The following TUBA3C variants were observed in gnomAD, a reference collection of about 807,000 sequenced individuals.
TUBA3C encodes tubulin alpha 3c.
Under a neutral mutation model 33.4 loss-of-function variants are expected in TUBA3C, and 23 were observed. That is an observed-to-expected ratio of 0.69 (90% confidence interval 0.50 to 0.98). TUBA3C has a LOEUF of 0.98. Ranked by LOEUF, TUBA3C falls within the 50% of genes least tolerant of loss-of-function variation. TUBA3C has a pLI of 0.00. For missense variants in TUBA3C, 402 were observed against 616.0 expected, an observed-to-expected ratio of 0.65 and a Z score of 3.68; for synonymous variants, 269 against 250.4, an observed-to-expected ratio of 1.07 and a Z score of -0.70.
intron 4 of TUBA3C, among the ~76,000 whole-genome samples, chr13:19,174,922 A>T (rs896916365): frequency 6.6e-6 from 1 of 151,478 alleles, no homozygotes; most frequent in Non-Finnish European, 1.5e-5. Flanking sequence ...AGATCCTACC[A>T]CTCCTTGGGT....
At chr13:19,179,075 C>A (rs1489560318) in intron 2 of TUBA3C, among the ~76,000 whole-genome samples, 3 of 152,180 alleles carry the variant, frequency 2.0e-5, no homozygotes, top group Non-Finnish European at 4.4e-5. Context: ...CTGAACAGGG[C>A]TGAGGCAGCC....
chr13:19,178,418 G>A (rs373049483), intron 2 of TUBA3C, 24 bp from the exon 3 acceptor site: 15 of 1,613,286 alleles, frequency 9.3e-6, no homozygotes, highest in Admixed American at 1.7e-5. Flanking sequence ...CGTATGTACT[G>A]TGAATCTTTA....
intron 3 of TUBA3C, among the ~76,000 whole-genome samples, chr13:19,178,037 G>C (rs941717077): frequency 6.6e-6 from 1 of 152,100 alleles, no homozygotes; most frequent in East Asian, 1.9e-4. Context: ...AGTAAAGACA[G>C]GGTTTCACCA....
intron 2 of TUBA3C, among the ~76,000 whole-genome samples, 199 bp downstream of exon 2, chr13:19,179,142 G>A (rs1400332574): frequency 2.6e-5 from 4 of 152,154 alleles, no homozygotes; most frequent in African/African-American, 9.6e-5. Flanking sequence ...TTTCCCTGTA[G>A]GCCAGGTTTT....
At position 19,173,968 on chromosome 13, in the gene TUBA3C, C is replaced by G; in HGVS notation, c.1248G>C (p.Gly416=). Residue 416 remains glycine (G), a synonymous_variant, in exon 5 of 5, where the codon GGG becomes GGC. Coordinates refer to ENST00000400113, the MANE Select transcript of TUBA3C (RefSeq NM_006001.3). The part of the protein sequence containing the change: ...HWYVGEGMEE[G]EFSEAREDLA... Reference sequence around the variant, plus strand: ...GGTCCTCGCGGGCCTCAGAGAACTCCCCCTCCTCCATGCCTTCTCCCACGT... The same window carrying G: ...GGTCCTCGCGGGCCTCAGAGAACTCGCCCTCCTCCATGCCTTCTCCCACGT... 1 of 1,610,600 alleles carries G rather than the reference C, an allele frequency of 6.2e-7. No homozygotes were observed. Among genetic ancestry groups the G allele is most frequent in the Non-Finnish European group, 8.5e-7 (1 of 1,178,772 alleles).
Position 19,178,448 on chromosome 13 carries a change from TG to T in TUBA3C, c.227-55del. ...TCTTTAAGGCCTATACTCACCAAGA[TG>T]GACACATTCCAGGACTGTTCACTTC... On this transcript the variant is annotated intron_variant, in intron 2 of 4. Coordinates refer to ENST00000400113, the MANE Select transcript of TUBA3C (RefSeq NM_006001.3). 3 of 1,603,660 alleles carry T rather than the reference TG, an allele frequency of 1.9e-6. No individual in the cohort carries two copies. The South Asian group carries it at 3.3e-5, about 18-fold the overall frequency.
intron 4 of TUBA3C, among the ~76,000 whole-genome samples, chr13:19,175,298 T>A (rs1869140321): frequency 6.6e-6 from 1 of 152,180 alleles, no homozygotes; most frequent in Non-Finnish European, 1.5e-5. Flanking sequence ...AACGTCTTTA[T>A]TTCTTTTCCG....
Position 19,177,666 on chromosome 13 carries a change from C to A in TUBA3C, c.376-59G>T, listed in dbSNP as rs1869249244. On this transcript the variant is annotated intron_variant, in intron 3 of 4. Transcript: ENST00000400113. The surrounding 1 kb of genome is among the most constrained non-coding windows in gnomAD (Gnocchi z 5.0). ...GTGGAAGCCACACCACCAACCTCCA[C>A]CAAGCCAGGGCCACTTCTCTGCCTC... The A allele has an allele frequency of 6.6e-7, 1 of 1,521,818 alleles. No homozygotes were observed. The highest frequency in any genetic ancestry group is 8.8e-7 in the Non-Finnish European group (1 of 1,137,008). 94.3% of individuals were successfully genotyped at this position (1,521,818 alleles called of 1,614,324 possible). A position where few individuals can be genotyped will look rare whatever the true frequency, so the allele number is the denominator to read the frequency against.
chr13:19,178,311 C>G lies in TUBA3C; in HGVS notation c.310G>C (p.Ala104Pro). 6.2e-7 allele frequency: 1 copy of G among 1,614,160 alleles called. No individual in the cohort carries two copies. The change falls in exon 3 of 5, where the codon GCC becomes CCC. Residue 104 changes from alanine to proline, a missense_variant. By Grantham distance (27) the Ala-to-Pro change is conservative (BLOSUM62 -1). Transcript: ENST00000400113. Reference sequence around the variant, plus strand: ...TTGCCGATGGTGTAATGGCCTCTGGCGTAATTATTGGCCGCATCTTCCTTC... The same window carrying G: ...TTGCCGATGGTGTAATGGCCTCTGGGGTAATTATTGGCCGCATCTTCCTTC... Reference protein sequence around the residue: ...TGKEDAANNYARGHYTIGKEI... With the variant: ...TGKEDAANNYPRGHYTIGKEI...
chr13:19,179,547 A>G lies in TUBA3C; in HGVS notation c.20T>C (p.Ile7Thr). MRECIS[I>T]HVGQAGVQIG... is the part of the protein sequence containing the mutation. ...CTGGACTCCTGCCTGCCCCACGTGG[A>G]TAGAGATACACTCACGCTGTGAACC... The change falls in exon 2 of 5, where the codon ATC becomes ACC. Residue 7 changes from isoleucine to threonine, a missense_variant. Physicochemically the swap from Ile to Thr is moderately conservative, Grantham distance 89 (BLOSUM62 -1). Transcript: ENST00000400113. The G allele has an allele frequency of 6.2e-7, 1 of 1,614,220 alleles. No individual in the cohort carries two copies. The highest frequency in any genetic ancestry group is 8.5e-7 in the Non-Finnish European group (1 of 1,180,022).
intron 4 of TUBA3C, among the ~76,000 whole-genome samples, chr13:19,176,050 G>C (rs958945461): frequency 9.9e-5 from 15 of 151,618 alleles, no homozygotes; most frequent in Admixed American, 2.6e-4. Context: ...TCCAATTTTT[G>C]TATTTTTAGT....
At chr13:19,175,541 T>G (rs36216412) in intron 4 of TUBA3C, among the ~76,000 whole-genome samples, 6,318 of 152,280 alleles carry the variant, frequency 0.041, 159 homozygotes, top group Middle Eastern at 0.068. Context: ...CAGTTCTGAC[T>G]GGGATTTCCT....
intron 1 of TUBA3C, 132 bp downstream of exon 1, chr13:19,181,613 C>A (rs937226164): frequency 1.2e-5 from 16 of 1,307,778 alleles, no homozygotes; most frequent in Non-Finnish European, 1.7e-5. Context: ...CGCCCTGGGC[C>A]CCGCATCCTT....
chr13:19,181,489 C>T (rs757693294), intron 1 of TUBA3C, among the ~76,000 whole-genome samples: 6 of 152,148 alleles, frequency 3.9e-5, no homozygotes, highest in Non-Finnish European at 5.9e-5. Flanking sequence ...GGACAGGACA[C>T]GGTCAATGCT....
chr13:19,181,565 C>T (rs1869418573), intron 1 of TUBA3C, among the ~76,000 whole-genome samples, 180 bp downstream of exon 1: 1 of 152,188 alleles, frequency 6.6e-6, no homozygotes, highest in African/African-American at 2.4e-5. Context: ...TGCCCTGGAG[C>T]CCGCAGACCC....
chr13:19,181,715 G>A (rs767688353), intron 1 of TUBA3C, 30 bp downstream of exon 1: 28 of 1,601,502 alleles, frequency 1.7e-5, no homozygotes, highest in South Asian at 1.6e-4. Context: ...CAGCCTGGGC[G>A]TCTGCGGGGT....
At chr13:19,174,591 G>C (rs1248466328) in intron 4 of TUBA3C, among the ~76,000 whole-genome samples, 1 of 152,002 alleles carries the variant, frequency 6.6e-6, no homozygotes, top group Non-Finnish European at 1.5e-5. Context: ...TTTAACTTGG[G>C]CATTACTATA....
Position 19,174,003 on chromosome 13 carries a change from C to A in TUBA3C, c.1213G>T (p.Val405Leu). The A allele has an allele frequency of 6.2e-7, 1 of 1,612,718 alleles. No homozygotes were observed. Among genetic ancestry groups the A allele is most frequent in the Non-Finnish European group, 8.5e-7 (1 of 1,179,768 alleles). Residue 405 changes from valine (V) to leucine (L), a missense_variant, in exon 5 of 5, where the codon GTG becomes TTG. Transcript: ENST00000400113. ...ATGCCTTCTCCCACGTACCAGTGCA[C>A]AAAGGCCCGCTTGGCATACATGAGA... ...FDLMYAKRAFVHWYVGEGMEE... is the reference protein window; with the variant it reads ...FDLMYAKRAFLHWYVGEGMEE...
chr13:19,181,286 G>A (rs1869406620), intron 1 of TUBA3C, among the ~76,000 whole-genome samples: 1 of 152,040 alleles, frequency 6.6e-6, no homozygotes, highest in Admixed American at 6.5e-5. Flanking sequence ...CCTGACCTCA[G>A]GGGATTCCCC....
Sources: gnomAD v4.1 joint callset for allele counts (sites outside exome capture counted in the v4.1 genomes callset) on GRCh38, gnomAD v4.1.1 for gene constraint, Gnocchi (gnomAD v3.1) non-coding constraint, MANE v1.5 for transcripts, NCBI Gene and HGNC (gene_info 2026-07-23, HGNC 2026-07-21) for gene names.